The following COP1 variants were observed in gnomAD, a reference collection of about 807,000 sequenced individuals.
COP1 encodes COP1 E3 ubiquitin ligase.
COP1 carries 24 observed loss-of-function variants against 101.3 expected under a neutral mutation model. That is an observed-to-expected ratio of 0.24 (90% CI 0.17 to 0.33). COP1 has a LOEUF of 0.33. Among genes scored for constraint, COP1 ranks in the 10% least tolerant of loss-of-function variants. The probability of loss-of-function intolerance (pLI) is 1.00; values close to 1 mark genes in which losing one functional copy is unlikely to be tolerated. For synonymous variants in COP1, 347 were observed against 341.9 expected (o/e 1.01, Z -0.17); for missense variants, 663 against 906.2 (o/e 0.73, Z 3.45).
intron 8 of COP1, among the ~76,000 whole-genome samples, chr1:176,129,467 AATC>A (rs1307517246): frequency 6.6e-6 from 1 of 151,896 alleles, no homozygotes; most frequent in East Asian, 1.9e-4. Flanking sequence ...TTAAACTTTC[AATC>A]AACAGCAATC....
chr1:176,183,493 C>T (rs1286587961), intron 2 of COP1, among the ~76,000 whole-genome samples: 6 of 152,128 alleles, frequency 3.9e-5, no homozygotes, highest in African/African-American at 9.7e-5. Flanking sequence ...AACTCTTATG[C>T]ACTGTTGGTG....
chr1:176,009,584 T>C (rs900721199), intron 15 of COP1, among the ~76,000 whole-genome samples: 20 of 152,270 alleles, frequency 1.3e-4, no homozygotes, highest in African/African-American at 3.8e-4. Context: ...GATGTTTCTA[T>C]AGATGTGACA....
intron 9 of COP1, among the ~76,000 whole-genome samples, chr1:176,090,995 AAAAG>A (rs756388324): frequency 6.6e-6 from 1 of 152,218 alleles, no homozygotes; most frequent in Non-Finnish European, 1.5e-5. Flanking sequence ...TCTTAAAACC[AAAAG>A]AAAGATAATT....
chr1:176,097,579 T>A (rs1177313730), intron 9 of COP1, among the ~76,000 whole-genome samples: 2 of 152,078 alleles, frequency 1.3e-5, no homozygotes, highest in South Asian at 2.1e-4. Flanking sequence ...GAGCTTTTTT[T>A]ATAGACTGGC....
In COP1 at chr1:176,144,422, A is replaced by G. The variant is rs543229690; in HGVS notation, c.831+4584T>C. Among the ~76,000 whole-genome samples the G allele has an allele frequency of 2.1e-4, 32 of 152,298 alleles. No homozygotes were observed. In the South Asian group the frequency reaches 3.9e-3, roughly 19 times the overall value. The stretch of plus-strand genomic sequence containing the variant: ...TACCCTGAAAAATATAAAAATTTTA[A>G]GGCTATTTTAAAGATCTAAATATAG... On this transcript the variant is annotated intron_variant, in intron 6 of 19. Transcript: ENST00000367669.
chr1:175,993,957 T>C (rs1384977436), intron 15 of COP1, among the ~76,000 whole-genome samples: 1 of 151,732 alleles, frequency 6.6e-6, no homozygotes, highest in Admixed American at 6.6e-5. Context: ...TTCACCAAAG[T>C]TGAAATGAAG....
intron 8 of COP1, among the ~76,000 whole-genome samples, chr1:176,125,058 T>C (rs1054610296): frequency 3.3e-5 from 5 of 152,140 alleles, no homozygotes; most frequent in African/African-American, 1.2e-4. Flanking sequence ...GCCATGTTTG[T>C]CTTGAGAAAT....
At chr1:176,079,712 A>C (rs977387124) in intron 11 of COP1, among the ~76,000 whole-genome samples, 1 of 152,190 alleles carries the variant, frequency 6.6e-6, no homozygotes. Flanking sequence ...AAAGTAATAA[A>C]ATACTTAAGC....
chr1:176,190,785 A>G (rs76266964), intron 1 of COP1, among the ~76,000 whole-genome samples: 1 of 152,016 alleles, frequency 6.6e-6, no homozygotes, highest in African/African-American at 2.4e-5. Context: ...CAACAAACTA[A>G]TATGTACATA....
chr1:176,006,659 G>A (rs936856220), intron 15 of COP1, among the ~76,000 whole-genome samples: 1 of 152,294 alleles, frequency 6.6e-6, no homozygotes, highest in East Asian at 1.9e-4. Flanking sequence ...TTTTCTTTAA[G>A]AATGTTGAAT....
chr1:176,157,955 T>C (rs1317707850), intron 5 of COP1, among the ~76,000 whole-genome samples: 1 of 152,122 alleles, frequency 6.6e-6, no homozygotes, highest in Non-Finnish European at 1.5e-5. Flanking sequence ...AAGAGATATG[T>C]AACTGGAATT....
chr1:176,156,372 G>C lies in COP1; in HGVS notation c.762+6497C>G, dbSNP rs1342359580. Among the ~76,000 whole-genome samples, 5 of 152,120 alleles carry C rather than the reference G, an allele frequency of 3.3e-5. No individual in the cohort carries two copies. In the East Asian group the frequency reaches 9.6e-4, roughly 29 times the overall value. On this transcript the variant is annotated intron_variant, in intron 5 of 19. Transcript: ENST00000367669. Reference sequence around the variant, plus strand: ...ATGTCTAAAGGAGGCAAGAAAGGAGGAAGAAGTGATAAAGAACAGGAGGGA... The same window carrying C: ...ATGTCTAAAGGAGGCAAGAAAGGAGCAAGAAGTGATAAAGAACAGGAGGGA...
intron 18 of COP1, among the ~76,000 whole-genome samples, chr1:175,954,276 A>G (rs1650330484): frequency 6.6e-6 from 1 of 152,182 alleles, no homozygotes. Flanking sequence ...TGCACCTAAA[A>G]CAATGCCTAG....
At chr1:175,974,287 C>A (rs1050638438) in intron 18 of COP1, among the ~76,000 whole-genome samples, 48 of 152,198 alleles carry the variant, frequency 3.2e-4, no homozygotes, top group Non-Finnish European at 5.1e-4. Flanking sequence ...TAGATACATA[C>A]ATACTGGTTT....
chr1:176,059,394 T>G (rs1212839249), intron 11 of COP1, among the ~76,000 whole-genome samples: 1 of 152,240 alleles, frequency 6.6e-6, no homozygotes, highest in East Asian at 1.9e-4. Context: ...ATTAAAATCA[T>G]CTTATTTTCC....
At chr1:176,116,036 T>G (rs1203241008) in intron 9 of COP1, among the ~76,000 whole-genome samples, 1 of 152,174 alleles carries the variant, frequency 6.6e-6, no homozygotes, top group Non-Finnish European at 1.5e-5. Flanking sequence ...ATTCATAATT[T>G]TTTTCCTAAA....
chr1:176,149,640 C>T (rs1041510615), intron 5 of COP1, among the ~76,000 whole-genome samples: 1 of 151,986 alleles, frequency 6.6e-6, no homozygotes, highest in African/African-American at 2.4e-5. Context: ...AAGTGGACAG[C>T]TTGCGGGTAG....
intron 9 of COP1, among the ~76,000 whole-genome samples, chr1:176,108,803 T>C (rs1684784177): frequency 6.6e-6 from 1 of 152,098 alleles, no homozygotes; most frequent in Admixed American, 6.6e-5. Flanking sequence ...TCTTACTCTA[T>C]TTGGAGCTTT....
chr1:176,021,360 T>G (rs908680663), intron 15 of COP1, among the ~76,000 whole-genome samples: 4 of 152,186 alleles, frequency 2.6e-5, no homozygotes, highest in African/African-American at 9.7e-5. Context: ...ATGGCCTAGT[T>G]TGCTAAGATT....
Sources: gnomAD v4.1 joint callset for allele counts (sites outside exome capture counted in the v4.1 genomes callset) on GRCh38, gnomAD v4.1.1 for gene constraint, MANE v1.5 for transcripts, NCBI Gene and HGNC (gene_info 2026-07-23, HGNC 2026-07-21) for gene names.